The following SLC22A3 variants were observed in gnomAD, a reference collection of about 807,000 sequenced individuals.
The protein encoded by SLC22A3 is EMT organic cation transporter 3.
Under a neutral mutation model 59.1 loss-of-function variants are expected in SLC22A3, and 51 were observed. That is an observed-to-expected ratio of 0.86 (90% CI 0.69 to 1.09). The LOEUF (loss-of-function observed/expected upper bound fraction) is 1.09, where lower values mean the gene tolerates loss of function less well. Among genes scored for constraint, SLC22A3 ranks in the 50% least tolerant of loss-of-function variants. The probability of loss-of-function intolerance (pLI) is 0.00; values close to 1 mark genes in which losing one functional copy is unlikely to be tolerated. For missense variants in SLC22A3, 711 were observed against 726.3 expected (o/e 0.98, Z 0.24); for synonymous variants, 325 against 292.0 (o/e 1.11, Z -1.15).
intron 1 of SLC22A3, among the ~76,000 whole-genome samples, chr6:160,357,653 C>A (rs1376481743): frequency 1.3e-5 from 2 of 152,094 alleles, no homozygotes; most frequent in African/African-American, 2.4e-5. Context: ...GAAATGAATG[C>A]CCTTTAATTG....
At chr6:160,439,561 T>G (rs182538169) in intron 7 of SLC22A3, among the ~76,000 whole-genome samples, 1 of 152,348 alleles carries the variant, frequency 6.6e-6, no homozygotes, top group African/African-American at 2.4e-5. Flanking sequence ...ACTAGCCGGA[T>G]AGTCATATAA....
At position 160,436,794 on chromosome 6, in the gene SLC22A3, T is replaced by G. The variant is rs1034453188; in HGVS notation, c.990T>G (p.Asp330Glu). ...SSNYSEITVTDEEVSNPSFLD... is the reference protein window; with the variant it reads ...SSNYSEITVTEEEVSNPSFLD... ...TTCTTATATAGATCACTGTTACAGA[T>G]GAGGAAGTTAGTAATCCATCCTTTT... The change falls in exon 6 of 11, where the codon GAT becomes GAG. Residue 330 changes from aspartate (D) to glutamate (E), a missense_variant. Asp to Glu is a conservative substitution (Grantham distance 45, BLOSUM62 2). Coordinates refer to ENST00000275300, the MANE Select transcript of SLC22A3 (RefSeq NM_021977.4). 1.2e-6 allele frequency: 2 copies of G among 1,610,346 alleles called. No individual in the cohort carries two copies. Among genetic ancestry groups the G allele is most frequent in the Non-Finnish European group, 8.5e-7 (1 of 1,176,662 alleles).
intron 1 of SLC22A3, among the ~76,000 whole-genome samples, chr6:160,367,536 C>T (rs1298943373): frequency 1.3e-5 from 2 of 152,212 alleles, no homozygotes. Context: ...CCCCATCAGG[C>T]ATTGATAGCA....
At position 160,386,405 on chromosome 6, in the gene SLC22A3, T is replaced by A. The variant is rs1046925722; in HGVS notation, c.430-11574T>A. Among the ~76,000 whole-genome samples, 10 of 152,200 alleles carry A rather than the reference T, an allele frequency of 6.6e-5. No individual in the cohort carries two copies. In the East Asian group the frequency reaches 1.9e-3, roughly 29 times the overall value. ...TGCATTCTTCAAGTGCAGTTCTTGG[T>A]TTTTAGGGTATCTCTTTGAGTGAGA... On this transcript the variant is annotated intron_variant, in intron 1 of 10. Coordinates refer to ENST00000275300, the MANE Select transcript of SLC22A3 (RefSeq NM_021977.4).
At chr6:160,355,496 T>C (rs1784801906) in intron 1 of SLC22A3, among the ~76,000 whole-genome samples, 1 of 151,880 alleles carries the variant, frequency 6.6e-6, no homozygotes, top group Non-Finnish European at 1.5e-5. Flanking sequence ...GCACGGTGGC[T>C]CACACCTGTA....
At chr6:160,399,237 C>T (rs528712226) in intron 2 of SLC22A3, among the ~76,000 whole-genome samples, 285 of 152,100 alleles carry the variant, frequency 1.9e-3, no homozygotes, top group Non-Finnish European at 3.4e-3. Flanking sequence ...TATCGATGTC[C>T]TTTTCTCCTG....
chr6:160,447,573 C>A (rs1200677142), intron 9 of SLC22A3, 146 bp from the exon 10 acceptor site: 7 of 725,052 alleles, frequency 9.7e-6, no homozygotes, highest in African/African-American at 6.9e-5. Context: ...TAAGGGAGAG[C>A]TGGGGCATTG....
At chr6:160,398,741 A>G (rs1301661654) in intron 2 of SLC22A3, among the ~76,000 whole-genome samples, 2 of 152,156 alleles carry the variant, frequency 1.3e-5, no homozygotes, top group African/African-American at 2.4e-5. Flanking sequence ...TTTAATTCCA[A>G]TTCTAACTAT....
chr6:160,353,773 T>C (rs1212496265), intron 1 of SLC22A3, among the ~76,000 whole-genome samples: 1 of 152,052 alleles, frequency 6.6e-6, no homozygotes, highest in African/African-American at 2.4e-5. Flanking sequence ...TCTAGGGCCC[T>C]TTTCAGATGG....
chr6:160,407,303 GTTTCACTGCAGCTACAGT>G, intron 3 of SLC22A3, 108 bp downstream of exon 3: 1 of 1,133,018 alleles, frequency 8.8e-7, no homozygotes, highest in Non-Finnish European at 1.3e-6. Context: ...AACAAAGGAG[GTTTCACTGCAGCTACAGT>G]AATTATTTCT....
rs1562496181 is a variant in SLC22A3 at position 160,425,766 on chromosome 6, T to TA, written c.976-11013dup. On this transcript the variant is annotated intron_variant, in intron 5 of 10. Coordinates refer to ENST00000275300, the MANE Select transcript of SLC22A3 (RefSeq NM_021977.4). ...AAGTACAGCTATTAATTATGGAAAC[T>TA]AGTCTATATATTTGTTGGAATATGA... 4.2e-6 allele frequency: 4 copies of TA among 952,460 alleles called. 1 individual carries two copies. In the East Asian group the frequency reaches 4.6e-4, roughly 110 times the overall value. The allele number at this position is 952,460 out of a possible 1,614,324, so 59.0% of individuals were successfully genotyped here. A position where few individuals can be genotyped will look rare whatever the true frequency, so the allele number is the denominator to read the frequency against.
intron 1 of SLC22A3, among the ~76,000 whole-genome samples, chr6:160,368,146 A>G (rs577281014): frequency 1.3e-5 from 2 of 148,898 alleles, no homozygotes; most frequent in Non-Finnish European, 3.0e-5. Context: ...GCCCCTCCCC[A>G]CTCATACCCT....
rs187079126 is a variant in SLC22A3 at position 160,384,363 on chromosome 6, A to C, written c.430-13616A>C. Among the ~76,000 whole-genome samples the C allele has an allele frequency of 2.0e-5, 3 of 152,360 alleles. No homozygotes were observed. The East Asian group carries it at 5.8e-4, about 29-fold the overall frequency. ...GGGTGTTTTACACCAATGGAATCATATGCCCAGTTTTATAATCTGATTTTA... is the reference window on the plus strand; with the variant it reads ...GGGTGTTTTACACCAATGGAATCATCTGCCCAGTTTTATAATCTGATTTTA... On this transcript the variant is annotated intron_variant, in intron 1 of 10. Transcript: ENST00000275300.
chr6:160,430,060 G>T (rs1788095627), intron 5 of SLC22A3, among the ~76,000 whole-genome samples: 1 of 151,882 alleles, frequency 6.6e-6, no homozygotes, highest in Non-Finnish European at 1.5e-5. Flanking sequence ...CCAGGTGTGT[G>T]TGTGTTATAG....
At chr6:160,417,329 A>AGCCTGGAGCAGAGCTG (rs1787540019) in intron 5 of SLC22A3, among the ~76,000 whole-genome samples, 1 of 151,980 alleles carries the variant, frequency 6.6e-6, no homozygotes, top group East Asian at 1.9e-4. Context: ...AAGGAGAGCT[A>AGCCTGGAGCAGAGCTG]CAGCCTGGAG....
intron 7 of SLC22A3, among the ~76,000 whole-genome samples, chr6:160,442,228 A>G (rs1583517654): frequency 6.6e-6 from 1 of 152,222 alleles, no homozygotes; most frequent in African/African-American, 2.4e-5. Context: ...CACAGAATAG[A>G]TGTCCCCTTC....
intron 5 of SLC22A3, among the ~76,000 whole-genome samples, chr6:160,412,564 C>G (rs569931233): frequency 1.3e-5 from 2 of 152,266 alleles, no homozygotes; most frequent in Admixed American, 1.3e-4. Flanking sequence ...GTTTACAGAT[C>G]ATAAAATGTG....
At chr6:160,382,592 A>G (rs1039761974) in intron 1 of SLC22A3, among the ~76,000 whole-genome samples, 56 of 152,318 alleles carry the variant, frequency 3.7e-4, no homozygotes, top group African/African-American at 1.3e-3. Flanking sequence ...ATTATCTACT[A>G]GCTTTAGGCC....
At chr6:160,411,769 G>A (rs1022218902) in intron 5 of SLC22A3, among the ~76,000 whole-genome samples, 6 of 152,018 alleles carry the variant, frequency 3.9e-5, no homozygotes, top group Non-Finnish European at 7.4e-5. Context: ...AAATGAAATG[G>A]GACAAAAATT....
Sources: gnomAD v4.1 joint callset for allele counts (sites outside exome capture counted in the v4.1 genomes callset) on GRCh38, gnomAD v4.1.1 for gene constraint, MANE v1.5 for transcripts, NCBI Gene and HGNC (gene_info 2026-07-23, HGNC 2026-07-21) for gene names.